Variants in NOX4 observed in about 807,000 individuals in gnomAD.
The protein encoded by NOX4 is NADPH oxidase 4, also known as kidney oxidase-1.
NOX4 carries 69 observed loss-of-function variants against 87.6 expected under a neutral mutation model. That is an observed-to-expected ratio of 0.79 (90% CI 0.65 to 0.96). The LOEUF is 0.96. Among genes scored for constraint, NOX4 ranks in the 40% least tolerant of loss-of-function variants. NOX4 has a pLI of 0.00. For synonymous variants in NOX4, 275 were observed against 238.2 expected (o/e 1.15, Z -1.42); for missense variants, 680 against 681.5 (o/e 1.00, Z 0.02).
chr11:89,502,759 A>G (rs1249858233), upstream of NOX4, among the ~76,000 whole-genome samples: 1 of 152,112 alleles, frequency 6.6e-6, no homozygotes, highest in East Asian at 1.9e-4. Flanking sequence ...TTGCATCACA[A>G]GTTATTGATA....
chr11:89,566,557 C>T, the NOX4 span, among the ~76,000 whole-genome samples: 1 of 151,946 alleles, frequency 6.6e-6, no homozygotes. Context: ...AAATTTGGTG[C>T]TTTCTCTGTA....
chr11:89,535,389 A>G, the NOX4 span, among the ~76,000 whole-genome samples: 3 of 152,254 alleles, frequency 2.0e-5, no homozygotes, highest in South Asian at 2.1e-4. Context: ...CGTGTTCCCT[A>G]TGGGACTCTC....
intron 4 of NOX4, among the ~76,000 whole-genome samples, chr11:89,448,292 G>A (rs1944797083): frequency 6.6e-6 from 1 of 152,108 alleles, no homozygotes; most frequent in Non-Finnish European, 1.5e-5. Flanking sequence ...GGGCAACTGA[G>A]GATAGAACCT....
chr11:89,471,038 C>T (rs1945915153), intron 2 of NOX4, among the ~76,000 whole-genome samples: 1 of 152,246 alleles, frequency 6.6e-6, no homozygotes, highest in East Asian at 1.9e-4. Flanking sequence ...GTGTCACTTT[C>T]TCTGTAAGGG....
At chr11:89,362,947 T>C (rs998104945) in intron 12 of NOX4, among the ~76,000 whole-genome samples, 1 of 152,150 alleles carries the variant, frequency 6.6e-6, no homozygotes, top group African/African-American at 2.4e-5. Flanking sequence ...GTAACATTTC[T>C]GAGCATGCAC....
At position 89,444,050 on chromosome 11, in the gene NOX4, T is replaced by C. The variant is rs188773284; in HGVS notation, c.447+85A>G. ...AAAGCACTCAAAAGGAGCAGTAAGG[T>C]ACAAATTTTCAGGGAAAAATCACAG... On this transcript the variant is annotated intron_variant, in intron 5 of 17. Transcript: ENST00000263317. The C allele has an allele frequency of 4.1e-4, 473 of 1,145,356 alleles. 4 individuals carry two copies. Among genetic ancestry groups the C allele is most frequent in the Non-Finnish European group, 7.2e-5 (55 of 762,796 alleles). The allele number at this position is 1,145,356 out of a possible 1,614,324, so 70.9% of individuals were successfully genotyped here.
At chr11:89,569,187 A>G in the NOX4 span, among the ~76,000 whole-genome samples, 7 of 152,118 alleles carry the variant, frequency 4.6e-5, no homozygotes, top group African/African-American at 1.7e-4. Flanking sequence ...AAAATTGAAA[A>G]AAAAAAAACA....
intron 2 of NOX4, among the ~76,000 whole-genome samples, chr11:89,479,723 C>A (rs911591590): frequency 6.6e-6 from 1 of 152,172 alleles, no homozygotes; most frequent in Admixed American, 6.6e-5. Context: ...ACTGATTGAG[C>A]AAAGTCCTTC....
chr11:89,503,367 G>A, the NOX4 span, among the ~76,000 whole-genome samples: 11 of 151,912 alleles, frequency 7.2e-5, no homozygotes, highest in East Asian at 2.1e-3. Flanking sequence ...AAGGTCTCTA[G>A]CAGAATATAA....
intron 6 of NOX4, among the ~76,000 whole-genome samples, chr11:89,433,453 C>CA (rs1235136225): frequency 2.0e-5 from 3 of 152,038 alleles, no homozygotes; most frequent in Non-Finnish European, 4.4e-5. Context: ...TTTCAGCACT[C>CA]TTTCTGTTTT....
At chr11:89,568,780 C>T in the NOX4 span, among the ~76,000 whole-genome samples, 4 of 152,118 alleles carry the variant, frequency 2.6e-5, no homozygotes, top group Admixed American at 2.6e-4. Flanking sequence ...TACAAGGCAA[C>T]AGTAACCAAA....
the NOX4 span, among the ~76,000 whole-genome samples, chr11:89,572,737 T>A: frequency 1.0e-3 from 157 of 152,230 alleles, no homozygotes; most frequent in African/African-American, 3.7e-3. Flanking sequence ...TTTCTTATCT[T>A]TTTTCTTTCC....
chr11:89,516,668 A>C, the NOX4 span, among the ~76,000 whole-genome samples: 1 of 152,080 alleles, frequency 6.6e-6, no homozygotes, highest in Non-Finnish European at 1.5e-5. Flanking sequence ...TCTGCATGTA[A>C]AGTCTGGCTG....
At chr11:89,352,107 G>A (rs1464719126) in intron 13 of NOX4, among the ~76,000 whole-genome samples, 1 of 152,268 alleles carries the variant, frequency 6.6e-6, no homozygotes, top group East Asian at 1.9e-4. Flanking sequence ...AGACTTGAAA[G>A]GTTGCAGGGG....
chr11:89,539,910 A>AT, the NOX4 span, among the ~76,000 whole-genome samples: 1 of 151,486 alleles, frequency 6.6e-6, no homozygotes, highest in African/African-American at 2.4e-5. Flanking sequence ...CTGGTCATAA[A>AT]TTACTTACAT....
chr11:89,504,981 T>A, the NOX4 span, among the ~76,000 whole-genome samples: 2 of 152,096 alleles, frequency 1.3e-5, no homozygotes, highest in South Asian at 4.1e-4. Flanking sequence ...GGGTTTTGGT[T>A]GCCACCTTGC....
At chr11:89,336,007 C>CATTT (rs1362016770) in intron 16 of NOX4, 62 bp from the exon 17 acceptor site, 1 of 1,029,104 alleles carries the variant, frequency 9.7e-7, no homozygotes, top group East Asian at 2.7e-5. Flanking sequence ...TCTCTAACAT[C>CATTT]ATTTCTGCTG....
At chr11:89,564,955 T>C in the NOX4 span, among the ~76,000 whole-genome samples, 2 of 152,086 alleles carry the variant, frequency 1.3e-5, no homozygotes, top group Non-Finnish European at 2.9e-5. Flanking sequence ...TTGTGTGAAG[T>C]GAAAATTTTT....
At chr11:89,546,186 T>C in the NOX4 span, among the ~76,000 whole-genome samples, 1 of 152,176 alleles carries the variant, frequency 6.6e-6, no homozygotes. Context: ...CTCTTCTGCA[T>C]AATTATAATA....
Sources: allele counts gnomAD v4.1 joint callset (sites outside exome capture counted in the v4.1 genomes callset), GRCh38; gene constraint gnomAD v4.1.1; transcripts MANE v1.5; gene names NCBI Gene and HGNC (gene_info 2026-07-23, HGNC 2026-07-21).